The following SNX25 variants were observed in gnomAD, a reference collection of about 807,000 sequenced individuals.
The protein encoded by SNX25 is sorting nexin-25.
In SNX25, 62 loss-of-function variants were observed where a neutral mutation model predicts 113.7. That is an observed-to-expected ratio of 0.55 (90% CI 0.44 to 0.67). SNX25 has a LOEUF of 0.67. Among genes scored for constraint, SNX25 ranks in the 30% least tolerant of loss-of-function variants. SNX25 has a pLI of 0.00. For missense variants in SNX25, 1,014 were observed against 1,161.0 expected (o/e 0.87, Z 1.84); for synonymous variants, 421 against 436.2 (o/e 0.97, Z 0.43).
chr4:185,323,438 T>C, intron 8 of SNX25, 90 bp from the exon 9 acceptor site: 2 of 1,318,742 alleles, frequency 1.5e-6, no homozygotes, highest in Non-Finnish European at 2.1e-6. Context: ...AATGTCTTTC[T>C]TCTGACTTTC....
At chr4:185,351,730 G>GC (rs1198847587) in intron 14 of SNX25, 121 bp downstream of exon 14, 22 of 1,008,126 alleles carry the variant, frequency 2.2e-5, no homozygotes, top group Non-Finnish European at 2.3e-5. Context: ...ACATTTTGAG[G>GC]CACCTGCTTG....
intron 11 of SNX25, among the ~76,000 whole-genome samples, chr4:185,340,346 G>C (rs1208627447): frequency 6.6e-6 from 1 of 152,130 alleles, no homozygotes; most frequent in Non-Finnish European, 1.5e-5. Flanking sequence ...GCAAAACAAA[G>C]CATGTTCTCC....
rs890622144 is a variant in SNX25, at chr4:185,267,048, G to T, written c.984G>T (p.Glu328Asp). ...TGCTTGCCCAGCTGGCGTACAGAGA[G>T]CAAATGAATGAGCATCACAAGAGAG... ...QMLLAQLAYR[E>D]QMNEHHKRAY... Residue 328 changes from glutamate to aspartate, a missense_variant, in exon 5 of 19, where the codon GAG (glutamate) becomes GAT (aspartate). Physicochemically the swap from Glu to Asp is conservative, Grantham distance 45. Coordinates refer to ENST00000652585, the MANE Select transcript of SNX25 (RefSeq NM_001378034.2). 2 of 1,613,956 alleles carry T rather than the reference G, an allele frequency of 1.2e-6. No individual in the cohort carries two copies. Among genetic ancestry groups the T allele is most frequent in the Non-Finnish European group, 1.7e-6 (2 of 1,179,954 alleles).
intron 13 of SNX25, among the ~76,000 whole-genome samples, chr4:185,350,124 T>A (rs1233536517): frequency 6.6e-6 from 1 of 152,060 alleles, no homozygotes; most frequent in Non-Finnish European, 1.5e-5. Flanking sequence ...GCAGGGTACG[T>A]GAATGCTGAT....
intron 5 of SNX25, among the ~76,000 whole-genome samples, chr4:185,284,341 A>C (rs957506592): frequency 1.3e-5 from 2 of 152,220 alleles, no homozygotes; most frequent in Non-Finnish European, 1.5e-5. Flanking sequence ...TAAAACAGCA[A>C]TATGAAAGAG....
At chr4:185,372,495 A>G (rs1436707251), downstream of SNX25, among the ~76,000 whole-genome samples, 1 of 152,252 alleles carries the variant, frequency 6.6e-6, no homozygotes, top group Non-Finnish European at 1.5e-5. Flanking sequence ...GGCATAGAAC[A>G]TGTAGTAGGC....
chr4:185,325,885 G>C (rs1396309559), intron 9 of SNX25, among the ~76,000 whole-genome samples: 1 of 152,170 alleles, frequency 6.6e-6, no homozygotes, highest in Non-Finnish European at 1.5e-5. Flanking sequence ...AGTTTTCCAA[G>C]GGCTTTATTG....
At chr4:185,272,529 A>G (rs936585310) in intron 5 of SNX25, among the ~76,000 whole-genome samples, 6 of 152,326 alleles carry the variant, frequency 3.9e-5, no homozygotes, top group African/African-American at 1.4e-4. Flanking sequence ...TCTTCCACAA[A>G]TAGGTGCCTC....
chr4:185,352,440 C>T (rs895558526), intron 14 of SNX25, among the ~76,000 whole-genome samples: 11 of 152,158 alleles, frequency 7.2e-5, no homozygotes, highest in African/African-American at 2.7e-4. Context: ...AGAGCACACC[C>T]ACACCTGCTC....
chr4:185,369,082 C>T (rs181807378), intron 11 of SNX25, among the ~76,000 whole-genome samples: 204 of 152,106 alleles, frequency 1.3e-3, no homozygotes, highest in African/African-American at 4.4e-3. Context: ...GCATGAGCCA[C>T]GGTACCTGGA....
intron 5 of SNX25, among the ~76,000 whole-genome samples, chr4:185,268,113 G>A (rs1218728063): frequency 6.6e-6 from 1 of 152,214 alleles, no homozygotes; most frequent in Admixed American, 6.5e-5. Flanking sequence ...CAGCTGTAAT[G>A]AGGCTATAAT....
chr4:185,309,520 T>C (rs1480978004), intron 6 of SNX25, among the ~76,000 whole-genome samples: 1 of 152,214 alleles, frequency 6.6e-6, no homozygotes, highest in Non-Finnish European at 1.5e-5. Flanking sequence ...TTTTCTCCAG[T>C]GTTTCTAGCT....
At chr4:185,211,997 C>A (rs1195946310) in intron 1 of SNX25, among the ~76,000 whole-genome samples, 1 of 152,092 alleles carries the variant, frequency 6.6e-6, no homozygotes, top group African/African-American at 2.4e-5. Context: ...TTAAAGGTGA[C>A]AGAGAAAATG....
Position 185,334,951 on chromosome 4 carries a change from CCTT to C in SNX25, c.1914+2195_1914+2197del, listed in dbSNP as rs2126711395. Among the ~76,000 whole-genome samples the C allele has an allele frequency of 6.6e-6, 1 of 152,256 alleles. No individual in the cohort carries two copies. The highest frequency in any genetic ancestry group is 2.1e-4 in the South Asian group (1 of 4,824). Reference sequence around the variant, plus strand: ...GCTCTGAGGATGGAAGGCAGCTGATCCTTCTCTCCAGAAGAAGACATAGTCCTC... The same window carrying C: ...GCTCTGAGGATGGAAGGCAGCTGATCCTCTCCAGAAGAAGACATAGTCCTC... On this transcript the variant is annotated intron_variant, in intron 10 of 18. Transcript: ENST00000652585. This position sits in a 1 kb window ranked among gnomAD's most constrained non-coding sequence, Gnocchi z 4.2.
At chr4:185,318,833 C>G (rs1208755594) in intron 7 of SNX25, among the ~76,000 whole-genome samples, 3 of 152,158 alleles carry the variant, frequency 2.0e-5, no homozygotes, top group South Asian at 2.1e-4. Context: ...CCCTAATTCA[C>G]GATGCCAAAT....
intron 5 of SNX25, among the ~76,000 whole-genome samples, chr4:185,277,756 G>C (rs1302220196): frequency 9.4e-5 from 2 of 21,308 alleles, no homozygotes; most frequent in Admixed American, 1.6e-3. Context: ...TTTTTGAGAC[G>C]GAGTCTCGCT....
At chr4:185,335,352 ACACAC>A (rs2095222800) in intron 10 of SNX25, among the ~76,000 whole-genome samples, 2 of 150,904 alleles carry the variant, frequency 1.3e-5, no homozygotes, top group Non-Finnish European at 2.9e-5. Context: ...ACACACACAC[ACACAC>A]AACAAAAACA....
intron 9 of SNX25, among the ~76,000 whole-genome samples, chr4:185,331,278 A>G (rs371659675): frequency 1.3e-5 from 2 of 152,216 alleles, no homozygotes; most frequent in Admixed American, 1.3e-4. Context: ...CAGGAGCATC[A>G]TTAGGAATGC....
chr4:185,233,982 C>T (rs922953953), intron 1 of SNX25, among the ~76,000 whole-genome samples: 6 of 152,078 alleles, frequency 3.9e-5, no homozygotes, highest in Non-Finnish European at 7.4e-5. Context: ...CTCAGCCTCC[C>T]GAGTAGCTGG....
Sources: gnomAD v4.1 joint callset for allele counts (sites outside exome capture counted in the v4.1 genomes callset) on GRCh38, gnomAD v4.1.1 for gene constraint, Gnocchi (gnomAD v3.1) non-coding constraint, MANE v1.5 for transcripts, NCBI Gene and HGNC (gene_info 2026-07-23, HGNC 2026-07-21) for gene names.